Variants in PPFIBP2 observed in about 807,000 individuals in gnomAD.
The protein encoded by PPFIBP2 is PPFIB scaffold protein 2.
Under a neutral mutation model 118.3 loss-of-function variants are expected in PPFIBP2, and 118 were observed. That is an observed-to-expected ratio of 1.00 (90% CI 0.86 to 1.16). The LOEUF is 1.16. Ranked by LOEUF, PPFIBP2 falls within the 50% of genes most tolerant of loss-of-function variation. The pLI, the probability that PPFIBP2 is intolerant of heterozygous loss-of-function variation, is 0.00. For missense variants in PPFIBP2, 1,195 were observed against 1,073.1 expected (o/e 1.11, Z -1.59); for synonymous variants, 414 against 397.4 (o/e 1.04, Z -0.50).
the PPFIBP2 span, among the ~76,000 whole-genome samples, chr11:7,663,797 G>A: frequency 0.3 from 44,881 of 152,104 alleles, 8,327 homozygotes; most frequent in Non-Finnish European, 0.41. Flanking sequence ...AGCAATCAGC[G>A]AGACTCCCTG....
chr11:7,561,170 C>G (rs1012591358), intron 2 of PPFIBP2, among the ~76,000 whole-genome samples: 1 of 152,162 alleles, frequency 6.6e-6, no homozygotes, highest in African/African-American at 2.4e-5. Flanking sequence ...CAGGTTCAAG[C>G]GATTTTTCTG....
rs1209106882 is a variant in PPFIBP2 at position 7,616,545 on chromosome 11, C to CA, written c.619-4385dup. ...AAATCCACATTTCAGTGAAGTGTTGCAAAAACGTTGCTTGAGATAATCTTG... is the reference window on the plus strand; with the variant it reads ...AAATCCACATTTCAGTGAAGTGTTGCAAAAAACGTTGCTTGAGATAATCTTG... On this transcript the variant is annotated intron_variant, in intron 6 of 23. Transcript: ENST00000299492. This position sits in a 1 kb window ranked among gnomAD's most constrained non-coding sequence, Gnocchi z 5.2. Among the ~76,000 whole-genome samples the CA allele has an allele frequency of 6.6e-6, 1 of 152,064 alleles. No individual in the cohort carries two copies. Among genetic ancestry groups the CA allele is most frequent in the Admixed American group, 6.6e-5 (1 of 15,262 alleles).
chr11:7,570,264 G>A (rs2134790474), intron 3 of PPFIBP2, among the ~76,000 whole-genome samples: 1 of 152,336 alleles, frequency 6.6e-6, no homozygotes, highest in Middle Eastern at 3.4e-3. Context: ...CCAGTTAGCT[G>A]GGAGGAGTAG....
chr11:7,633,092 T>A (rs1355684842), intron 12 of PPFIBP2, among the ~76,000 whole-genome samples, 158 bp downstream of exon 12: 1 of 152,204 alleles, frequency 6.6e-6, no homozygotes, highest in Non-Finnish European at 1.5e-5. Flanking sequence ...CAGGCCTACC[T>A]CTTTTGGCCA....
chr11:7,565,897 C>A, intron 3 of PPFIBP2, 130 bp downstream of exon 3: 1 of 1,024,426 alleles, frequency 9.8e-7, no homozygotes, highest in Non-Finnish European at 1.4e-6. Flanking sequence ...CCCACTTTGG[C>A]CAACGCTGCA....
rs1848628133 is a variant in PPFIBP2, at chr11:7,616,221, CAGATACAAAAAATTTAGGACA to C, written c.619-4712_619-4692del. ...GACTTGATTCCATGGATGCCTCTGACAGATACAAAAAATTTAGGACAATAGTCCCCCAAAGTGCTTGCTATA... is the reference window on the plus strand; with the variant it reads ...GACTTGATTCCATGGATGCCTCTGACATAGTCCCCCAAAGTGCTTGCTATA... On this transcript the variant is annotated intron_variant, in intron 6 of 23. Transcript: ENST00000299492. This position sits in a 1 kb window ranked among gnomAD's most constrained non-coding sequence, Gnocchi z 5.2. Among the ~76,000 whole-genome samples, 1 of 152,128 alleles carries C rather than the reference CAGATACAAAAAATTTAGGACA, an allele frequency of 6.6e-6. No individual in the cohort carries two copies. Among genetic ancestry groups the C allele is most frequent in the African/African-American group, 2.4e-5 (1 of 41,434 alleles).
intron 3 of PPFIBP2, among the ~76,000 whole-genome samples, chr11:7,566,972 GT>G (rs1387710646): frequency 6.6e-6 from 1 of 152,158 alleles, no homozygotes; most frequent in Non-Finnish European, 1.5e-5. Context: ...GGATTTTAGT[GT>G]TTTTCTTATC....
chr11:7,619,519 T>TTGATCATA (rs1391062828), intron 6 of PPFIBP2, among the ~76,000 whole-genome samples: 6 of 152,144 alleles, frequency 3.9e-5, no homozygotes, highest in Admixed American at 2.0e-4. Context: ...GATGTATGGT[T>TTGATCATA]TGATCATATC....
downstream of PPFIBP2, chr11:7,655,565 G>A (rs1312574602): frequency 8.2e-7 from 1 of 1,216,418 alleles, no homozygotes; most frequent in Non-Finnish European, 1.1e-6. Context: ...TTGGTGTGGT[G>A]TGGTGTGGTA....
downstream of PPFIBP2, chr11:7,655,553 G>C (rs1854604160): frequency 1.6e-6 from 2 of 1,249,942 alleles, no homozygotes; most frequent in Non-Finnish European, 2.1e-6. Flanking sequence ...GGCCCAGTGA[G>C]TTTGGTGTGG....
At chr11:7,594,598 A>G (rs1859926712) in intron 4 of PPFIBP2, among the ~76,000 whole-genome samples, 1 of 151,718 alleles carries the variant, frequency 6.6e-6, no homozygotes, top group Non-Finnish European at 1.5e-5. Context: ...CTTGACCAGC[A>G]TGGTGAAACC....
the PPFIBP2 span, among the ~76,000 whole-genome samples, chr11:7,662,563 C>T: frequency 2.6e-5 from 4 of 151,048 alleles, no homozygotes; most frequent in South Asian, 8.6e-4. Context: ...CGACCTTTCT[C>T]TCTGGCTGCC....
rs1354543435 is a variant in PPFIBP2 at position 7,630,939 on chromosome 11, ACT to A, written c.985_986del (p.Ser329AsnfsTer3). 6.2e-7 allele frequency: 1 copy of A among 1,613,788 alleles called. No individual in the cohort carries two copies. The highest frequency in any genetic ancestry group is 1.3e-5 in the African/African-American group (1 of 75,036). On this transcript the variant is annotated frameshift_variant, in exon 11 of 24. Coordinates refer to ENST00000299492, the MANE Select transcript of PPFIBP2 (RefSeq NM_003621.5). LOFTEE classifies it high-confidence loss of function. ...AATGCTTGCAGGGCCTTCGGAGAGA[ACT>A]CTCTCAATCAATGAAGAAGAACCGG... ...VMVTQGPSER[T>X]LSINEEEPEG... is the part of the protein sequence containing the mutation.
At chr11:7,532,542 G>C (rs910310376) in intron 1 of PPFIBP2, among the ~76,000 whole-genome samples, 2 of 152,174 alleles carry the variant, frequency 1.3e-5, no homozygotes, top group African/African-American at 4.8e-5. Context: ...TCGTCCAAAG[G>C]CTCAGCTCCA....
chr11:7,527,938 C>G (rs1477697361), intron 1 of PPFIBP2, among the ~76,000 whole-genome samples: 1 of 152,142 alleles, frequency 6.6e-6, no homozygotes, highest in Non-Finnish European at 1.5e-5. Context: ...AGCACAGAGT[C>G]TGTGCTCACT....
At chr11:7,663,595 C>G in the PPFIBP2 span, among the ~76,000 whole-genome samples, 1 of 152,218 alleles carries the variant, frequency 6.6e-6, no homozygotes, top group Non-Finnish European at 1.5e-5. Context: ...TTACTTCTGT[C>G]TTTTTGTTTG....
chr11:7,581,742 C>A (rs1018438980), intron 3 of PPFIBP2, among the ~76,000 whole-genome samples: 5 of 152,150 alleles, frequency 3.3e-5, no homozygotes, highest in Admixed American at 6.5e-5. Context: ...TCATATCTCA[C>A]CTCTGTGTAG....
intron 17 of PPFIBP2, among the ~76,000 whole-genome samples, chr11:7,645,792 C>T (rs1420191998): frequency 2.0e-5 from 3 of 152,058 alleles, no homozygotes; most frequent in Non-Finnish European, 4.4e-5. Flanking sequence ...ACACTTATTT[C>T]CCCTTTAGAG....
rs185234548 is a variant in PPFIBP2 at position 7,543,353 on chromosome 11, T to A, written c.-36-6087T>A. Among the ~76,000 whole-genome samples the A allele has an allele frequency of 6.7e-4, 102 of 152,362 alleles. 1 individual carries two copies. The East Asian group carries it at 0.019, about 28-fold the overall frequency. On this transcript the variant is annotated intron_variant, in intron 1 of 23. Transcript: ENST00000299492. ...ATAGTGACACTTCTTTATCATCTGT[T>A]TGCCACTTGGGGAAGGGAGAGGTAG...
Sources: allele counts gnomAD v4.1 joint callset (sites outside exome capture counted in the v4.1 genomes callset), GRCh38; gene constraint gnomAD v4.1.1; non-coding constraint Gnocchi (gnomAD v3.1); transcripts MANE v1.5; gene names NCBI Gene and HGNC (gene_info 2026-07-23, HGNC 2026-07-21).